Variants in NSMCE2 observed in about 807,000 individuals in gnomAD.
NSMCE2 encodes the protein E3 SUMO-protein ligase NSE2.
In NSMCE2, 24 loss-of-function variants were observed where a neutral mutation model predicts 23.8. The ratio of observed to expected loss-of-function variants is 1.01; its 90% confidence interval spans 0.73 to 1.42. The LOEUF is 1.42. Among genes scored for constraint, NSMCE2 ranks in the 40% most tolerant of loss-of-function variants. The pLI, the probability that NSMCE2 is intolerant of heterozygous loss-of-function variation, is 0.00. For synonymous variants in NSMCE2, 92 were observed against 94.1 expected (o/e 0.98, Z 0.13); for missense variants, 284 against 296.5 (o/e 0.96, Z 0.31).
intron 5 of NSMCE2, among the ~76,000 whole-genome samples, chr8:125,331,381 GT>G (rs1829870128): frequency 6.6e-6 from 1 of 152,204 alleles, no homozygotes; most frequent in Admixed American, 6.5e-5. Context: ...GTCTGTGACT[GT>G]TTCCTCACCT....
At chr8:125,338,548 T>G (rs1265410120) in intron 5 of NSMCE2, among the ~76,000 whole-genome samples, 2 of 152,228 alleles carry the variant, frequency 1.3e-5, no homozygotes, top group Non-Finnish European at 2.9e-5. Flanking sequence ...TTTTCTGAAT[T>G]TCGTTAGCAG....
rs542886240 is a variant in NSMCE2 at position 125,304,072 on chromosome 8, C to T, written c.419-53147C>T. 1.4e-4 allele frequency among the ~76,000 whole-genome samples: 22 copies of T among 152,336 alleles called. No homozygotes were observed. In the South Asian group the frequency reaches 1.4e-3, roughly 10 times the overall value. ...ATTCTCTACATAAGATATTAATTCA[C>T]TGTACTGACATATATACAGGATAAA... On this transcript the variant is annotated intron_variant, in intron 5 of 7. Coordinates refer to ENST00000287437, the MANE Select transcript of NSMCE2 (RefSeq NM_173685.4).
chr8:125,264,446 G>A (rs1016406148), intron 5 of NSMCE2, among the ~76,000 whole-genome samples: 1 of 152,094 alleles, frequency 6.6e-6, no homozygotes, highest in South Asian at 2.1e-4. Flanking sequence ...TCTCTCTGTT[G>A]CCCAGGCTGG....
intron 5 of NSMCE2, among the ~76,000 whole-genome samples, chr8:125,320,080 G>C (rs778360988): frequency 6.6e-6 from 1 of 151,558 alleles, no homozygotes; most frequent in Non-Finnish European, 1.5e-5. Context: ...GGAGGCTGCG[G>C]CAGGAAAATC....
intron 5 of NSMCE2, among the ~76,000 whole-genome samples, chr8:125,184,020 GA>G (rs567959585): frequency 9.6e-5 from 14 of 146,124 alleles, no homozygotes; most frequent in Admixed American, 2.0e-4. Context: ...TTTCAATCTT[GA>G]AAAAAAAAAG....
Position 125,352,307 on chromosome 8 carries a change from G to A in NSMCE2, c.419-4912G>A, listed in dbSNP as rs573952926. Among the ~76,000 whole-genome samples, 489 of 151,904 alleles carry A rather than the reference G, an allele frequency of 3.2e-3. 2 individuals carry two copies. The highest frequency in any genetic ancestry group is 5.4e-3 in the Non-Finnish European group (370 of 67,918). ...AGCCTGACCAACATGGAGAAACCCC[G>A]TCTCTACTAAAAATACAAAATTAGC... On this transcript the variant is annotated intron_variant, in intron 5 of 7. Coordinates refer to ENST00000287437, the MANE Select transcript of NSMCE2 (RefSeq NM_173685.4).
intron 5 of NSMCE2, among the ~76,000 whole-genome samples, chr8:125,294,098 T>C (rs916604770): frequency 3.9e-5 from 6 of 152,242 alleles, no homozygotes; most frequent in African/African-American, 7.2e-5. Context: ...CTTGGCATAA[T>C]GTTTTCAAGG....
At chr8:125,171,925 G>A (rs1822237074) in intron 4 of NSMCE2, among the ~76,000 whole-genome samples, 1 of 152,148 alleles carries the variant, frequency 6.6e-6, no homozygotes, top group African/African-American at 2.4e-5. Context: ...TGAGCACTTG[G>A]CAGTGTGACC....
chr8:125,153,668 G>A (rs554028561), intron 4 of NSMCE2, among the ~76,000 whole-genome samples: 1 of 152,282 alleles, frequency 6.6e-6, no homozygotes, highest in East Asian at 1.9e-4. Context: ...CCCTGGTCAA[G>A]AAACCTAACC....
Position 125,217,361 on chromosome 8 carries a change from T to TTA in NSMCE2, c.418+35106_418+35107insAT, listed in dbSNP as rs746240046. The stretch of plus-strand genomic sequence containing the variant: ...TTTATTTATTTATTTATTTATTTAT[T>TTA]TTTTATTTATTTATTTTGAGATGGA... On this transcript the variant is annotated intron_variant, in intron 5 of 7. Transcript: ENST00000287437. 2.2e-3 allele frequency among the ~76,000 whole-genome samples: 333 copies of TTA among 151,804 alleles called. 1 individual carries two copies. Among genetic ancestry groups the TTA allele is most frequent in the Middle Eastern group, 0.01 (3 of 292 alleles).
chr8:125,186,147 T>G (rs1823091264), intron 5 of NSMCE2, among the ~76,000 whole-genome samples: 1 of 152,218 alleles, frequency 6.6e-6, no homozygotes, highest in Non-Finnish European at 1.5e-5. Context: ...GGGAGTAATA[T>G]TTGGTGACTT....
At chr8:125,266,042 C>G (rs1826896976) in intron 5 of NSMCE2, among the ~76,000 whole-genome samples, 1 of 151,510 alleles carries the variant, frequency 6.6e-6, no homozygotes, top group Non-Finnish European at 1.5e-5. Context: ...ATAAAGAACA[C>G]ATGAATATAG....
intron 5 of NSMCE2, among the ~76,000 whole-genome samples, chr8:125,308,311 T>C (rs1483690869): frequency 6.6e-6 from 1 of 152,214 alleles, no homozygotes; most frequent in Non-Finnish European, 1.5e-5. Context: ...TTTCTCTGGA[T>C]GTTTTGGGGG....
intron 5 of NSMCE2, among the ~76,000 whole-genome samples, chr8:125,213,711 T>C (rs1413473395): frequency 6.7e-6 from 1 of 150,234 alleles, no homozygotes; most frequent in East Asian, 2.0e-4. Flanking sequence ...CTCCCTCCCT[T>C]CCTTCCTTCC....
intron 5 of NSMCE2, among the ~76,000 whole-genome samples, chr8:125,346,595 A>C (rs1450062078): frequency 1.3e-5 from 2 of 152,186 alleles, no homozygotes; most frequent in African/African-American, 2.4e-5. Flanking sequence ...AGATAAAAGA[A>C]ATAGAATGTG....
intron 5 of NSMCE2, among the ~76,000 whole-genome samples, chr8:125,194,022 G>A (rs573359542): frequency 6.6e-6 from 1 of 152,256 alleles, no homozygotes; most frequent in Admixed American, 6.5e-5. Flanking sequence ...AAGAGGAGGA[G>A]GAATGCTTGC....
At position 125,247,179 on chromosome 8, in the gene NSMCE2, A is replaced by C. The variant is rs1031396025; in HGVS notation, c.418+64923A>C. Among the ~76,000 whole-genome samples, 4 of 151,842 alleles carry C rather than the reference A, an allele frequency of 2.6e-5. No individual in the cohort carries two copies. The East Asian group carries it at 5.8e-4, about 22-fold the overall frequency. On this transcript the variant is annotated intron_variant, in intron 5 of 7. Transcript: ENST00000287437. The stretch of plus-strand genomic sequence containing the variant: ...CCCTGTCTCCAAAAAATAACAAAAA[A>C]AAAATTAGCTGGGAGTAGTATCGTG...
chr8:125,095,494 T>A (rs1817884411), intron 1 of NSMCE2, among the ~76,000 whole-genome samples: 1 of 151,950 alleles, frequency 6.6e-6, no homozygotes, highest in African/African-American at 2.4e-5. Context: ...CTTGAGAGGC[T>A]AATGTGGGAG....
chr8:125,315,862 G>A (rs1829159956), intron 5 of NSMCE2, among the ~76,000 whole-genome samples: 1 of 152,018 alleles, frequency 6.6e-6, no homozygotes, highest in African/African-American at 2.4e-5. Context: ...TTGTGCAGTG[G>A]TGCAGTCACA....
Sources: gnomAD v4.1 joint callset for allele counts (sites outside exome capture counted in the v4.1 genomes callset) on GRCh38, gnomAD v4.1.1 for gene constraint, MANE v1.5 for transcripts, NCBI Gene and HGNC (gene_info 2026-07-23, HGNC 2026-07-21) for gene names.